MAP4K3: variants seen among roughly 807,000 people sequenced by gnomAD.
The protein encoded by MAP4K3 is mitogen-activated protein kinase kinase kinase kinase 3.
Under a neutral mutation model 143.5 loss-of-function variants are expected in MAP4K3, and 94 were observed. That is an observed-to-expected ratio of 0.65 (90% CI 0.55 to 0.78). The LOEUF (loss-of-function observed/expected upper bound fraction) is 0.78. Among genes scored for constraint, MAP4K3 ranks in the 30% least tolerant of loss-of-function variants. MAP4K3 has a pLI of 0.00. For missense variants in MAP4K3, 1,077 were observed against 1,068.1 expected, an observed-to-expected ratio of 1.01 and a Z score of -0.12; for synonymous variants, 416 against 347.2, an observed-to-expected ratio of 1.20 and a Z score of -2.20.
At chr2:39,259,128 G>C (rs1680459482) in intron 29 of MAP4K3, among the ~76,000 whole-genome samples, 1 of 151,344 alleles carries the variant, frequency 6.6e-6, no homozygotes, top group Non-Finnish European at 1.5e-5. Context: ...GAGTAGCTGA[G>C]ACCATAGGTG....
chr2:39,407,936 T>C (rs1295392731), intron 1 of MAP4K3, among the ~76,000 whole-genome samples: 1 of 151,860 alleles, frequency 6.6e-6, no homozygotes, highest in East Asian at 1.9e-4. Context: ...TGCCACAAGA[T>C]ATTAGTAAAG....
At chr2:39,304,522 G>A (rs1001425289) in intron 15 of MAP4K3, among the ~76,000 whole-genome samples, 1 of 152,260 alleles carries the variant, frequency 6.6e-6, no homozygotes. Context: ...TACCCATTAG[G>A]ATAGCTATTA....
chr2:39,368,650 C>G (rs1355449155), intron 2 of MAP4K3, among the ~76,000 whole-genome samples: 1 of 151,406 alleles, frequency 6.6e-6, no homozygotes, highest in Non-Finnish European at 1.5e-5. Flanking sequence ...GCCTGGGTGA[C>G]AGGGTGAGAT....
intron 15 of MAP4K3, among the ~76,000 whole-genome samples, chr2:39,307,170 A>G (rs1360955512): frequency 6.6e-6 from 1 of 152,252 alleles, no homozygotes; most frequent in African/African-American, 2.4e-5. Context: ...AATTCCATTT[A>G]AAAGTCAGAA....
intron 22 of MAP4K3, among the ~76,000 whole-genome samples, chr2:39,280,878 A>T (rs923907903): frequency 6.6e-6 from 1 of 152,150 alleles, no homozygotes; most frequent in African/African-American, 2.4e-5. Flanking sequence ...ATTTTTTTCA[A>T]TTAAGCAATC....
intron 12 of MAP4K3, among the ~76,000 whole-genome samples, chr2:39,319,929 A>C (rs891396860): frequency 3.3e-5 from 5 of 152,178 alleles, no homozygotes; most frequent in African/African-American, 1.2e-4. Flanking sequence ...ATTTTTTAAG[A>C]GTCTTGATGA....
chr2:39,361,670 A>G (rs1473194207), intron 2 of MAP4K3, among the ~76,000 whole-genome samples: 1 of 151,478 alleles, frequency 6.6e-6, no homozygotes, highest in African/African-American at 2.4e-5. Context: ...AAAATCTTTA[A>G]AATGATTATT....
intron 2 of MAP4K3, among the ~76,000 whole-genome samples, chr2:39,363,561 T>G (rs561612583): frequency 2.7e-5 from 4 of 150,498 alleles, no homozygotes; most frequent in African/African-American, 4.9e-5. Flanking sequence ...CCCAGGTACT[T>G]TGGAGACTGA....
At chr2:39,309,382 G>T in intron 14 of MAP4K3, 79 bp downstream of exon 14, 3 of 999,108 alleles carry the variant, frequency 3.0e-6, no homozygotes, top group Non-Finnish European at 3.0e-6. Context: ...TAGCTTTTTT[G>T]GTCAGTACTA....
intron 15 of MAP4K3, among the ~76,000 whole-genome samples, chr2:39,304,567 T>C (rs1332748382): frequency 6.6e-6 from 1 of 152,198 alleles, no homozygotes; most frequent in African/African-American, 2.4e-5. Context: ...CAGAGGATAA[T>C]AACAAATGCT....
chr2:39,292,455 G>T (rs1256314940), intron 18 of MAP4K3, among the ~76,000 whole-genome samples: 3 of 152,138 alleles, frequency 2.0e-5, no homozygotes, highest in Non-Finnish European at 2.9e-5. Context: ...ACTGAGGAAA[G>T]GCCACGTGAA....
chr2:39,414,719 C>CA (rs1466389634), intron 1 of MAP4K3, among the ~76,000 whole-genome samples: 16 of 152,004 alleles, frequency 1.1e-4, no homozygotes, highest in African/African-American at 3.6e-4. Flanking sequence ...AGTAAAAATA[C>CA]AAAAAATTAG....
intron 3 of MAP4K3, among the ~76,000 whole-genome samples, chr2:39,347,599 TAATTTAAGTG>T (rs1665331322): frequency 7.0e-6 from 1 of 142,416 alleles, no homozygotes; most frequent in African/African-American, 2.7e-5. Context: ...CAAGTCATCT[TAATTTAAGTG>T]TAGTGTAACT....
At chr2:39,431,785 T>A (rs1318221889) in intron 1 of MAP4K3, among the ~76,000 whole-genome samples, 1 of 152,180 alleles carries the variant, frequency 6.6e-6, no homozygotes, top group Non-Finnish European at 1.5e-5. Flanking sequence ...TTGTGTCAGG[T>A]ACTGTCCCAA....
At chr2:39,405,127 T>A (rs1463928351) in intron 1 of MAP4K3, among the ~76,000 whole-genome samples, 3 of 152,238 alleles carry the variant, frequency 2.0e-5, no homozygotes, top group Non-Finnish European at 4.4e-5. Context: ...GACCCAGTGC[T>A]GTGCTGGCTT....
intron 1 of MAP4K3, among the ~76,000 whole-genome samples, chr2:39,408,990 G>C (rs1667166873): frequency 6.6e-6 from 1 of 152,150 alleles, no homozygotes; most frequent in Admixed American, 6.5e-5. Flanking sequence ...AAAAAAGCCA[G>C]ACAGAAATTA....
intron 13 of MAP4K3, among the ~76,000 whole-genome samples, chr2:39,314,424 A>C (rs1226703859): frequency 3.3e-5 from 5 of 152,234 alleles, no homozygotes; most frequent in African/African-American, 1.2e-4. Flanking sequence ...CATGCTAAGG[A>C]TGCCATTTTC....
intron 6 of MAP4K3, 79 bp downstream of exon 6, chr2:39,336,841 A>C: frequency 1.7e-6 from 1 of 590,792 alleles, no homozygotes; most frequent in Non-Finnish European, 2.9e-6. Flanking sequence ...TATCAAATAA[A>C]ACAATTTTGC....
intron 31 of MAP4K3, among the ~76,000 whole-genome samples, chr2:39,256,409 G>A (rs1007201722): frequency 1.6e-4 from 25 of 152,098 alleles, no homozygotes; most frequent in Admixed American, 1.3e-3. Flanking sequence ...GCTAGGTGAA[G>A]GACATTCCTT....
Sources: allele counts gnomAD v4.1 joint callset (sites outside exome capture counted in the v4.1 genomes callset), GRCh38; gene constraint gnomAD v4.1.1; transcripts MANE v1.5; gene names NCBI Gene and HGNC (gene_info 2026-07-23, HGNC 2026-07-21).